The following METTL24 variants were observed in gnomAD, a reference collection of about 807,000 sequenced individuals.
METTL24 encodes probable methyltransferase-like protein 24.
Under a neutral mutation model 32.7 loss-of-function variants are expected in METTL24, and 29 were observed. That is an observed-to-expected ratio of 0.89 (90% confidence interval 0.66 to 1.21). The LOEUF (loss-of-function observed/expected upper bound fraction) is 1.21. METTL24 is among the 50% of genes most tolerant of loss of function. The pLI is 0.00. For missense variants in METTL24, 439 were observed against 468.1 expected, an observed-to-expected ratio of 0.94 and a Z score of 0.57; for synonymous variants, 163 against 179.5, an observed-to-expected ratio of 0.91 and a Z score of 0.73.
At chr6:110,352,792 C>A (rs1772633794) in intron 1 of METTL24, among the ~76,000 whole-genome samples, 1 of 152,236 alleles carries the variant, frequency 6.6e-6, no homozygotes, top group East Asian at 1.9e-4. Context: ...CTTAGAAACA[C>A]AAGGACTCCA....
intron 4 of METTL24, among the ~76,000 whole-genome samples, chr6:110,280,512 G>A (rs551407743): frequency 7.2e-5 from 11 of 151,932 alleles, no homozygotes; most frequent in Non-Finnish European, 1.3e-4. Flanking sequence ...TAGATGAAAT[G>A]TTTAATACTA....
intron 3 of METTL24, among the ~76,000 whole-genome samples, chr6:110,305,256 CAT>C (rs1771606339): frequency 6.6e-6 from 1 of 152,134 alleles, no homozygotes; most frequent in South Asian, 2.1e-4. Context: ...CCATTCAGGA[CAT>C]AGGCATGGGC....
intron 1 of METTL24, among the ~76,000 whole-genome samples, chr6:110,330,284 G>A (rs1772090601): frequency 1.3e-5 from 2 of 152,202 alleles, no homozygotes; most frequent in South Asian, 4.1e-4. Flanking sequence ...CTCTGAGGCA[G>A]TGGACCCCAG....
chr6:110,343,129 C>T (rs1772393306), intron 1 of METTL24, among the ~76,000 whole-genome samples: 1 of 152,248 alleles, frequency 6.6e-6, no homozygotes, highest in African/African-American at 2.4e-5. Flanking sequence ...CATCACCCTC[C>T]GTGTACCCAT....
intron 1 of METTL24, among the ~76,000 whole-genome samples, chr6:110,340,217 G>T (rs1318069413): frequency 6.6e-6 from 1 of 150,758 alleles, no homozygotes; most frequent in Non-Finnish European, 1.5e-5. Context: ...CCAGGCCTGG[G>T]TTGCTGAGGG....
intron 4 of METTL24, among the ~76,000 whole-genome samples, chr6:110,265,860 C>T (rs11962045): frequency 3.3e-5 from 5 of 151,040 alleles, no homozygotes; most frequent in Non-Finnish European, 7.4e-5. Context: ...CTTCCTCTTC[C>T]TCCTCCTCCT....
chr6:110,323,539 C>G (rs531962397), intron 1 of METTL24, among the ~76,000 whole-genome samples: 13 of 152,144 alleles, frequency 8.5e-5, no homozygotes, highest in Non-Finnish European at 1.6e-4. Flanking sequence ...GCTCAGCCCC[C>G]TTTTGTAGCA....
intron 4 of METTL24, among the ~76,000 whole-genome samples, chr6:110,260,185 C>T (rs1023671241): frequency 6.6e-6 from 1 of 152,110 alleles, no homozygotes; most frequent in Non-Finnish European, 1.5e-5. Flanking sequence ...GGAGGAAGTT[C>T]GAACCCACGG....
Position 110,316,859 on chromosome 6 carries a change from C to A in METTL24, c.418-1378G>T, listed in dbSNP as rs552494778. ...CCATGATTGTGCCTCTACACTCCAGCCTGGGCAACAGAGCAAGACCAGACC... is the reference window on the plus strand; with the variant it reads ...CCATGATTGTGCCTCTACACTCCAGACTGGGCAACAGAGCAAGACCAGACC... On this transcript the variant is annotated intron_variant, in intron 2 of 4. Transcript: ENST00000338882. Among the ~76,000 whole-genome samples the A allele has an allele frequency of 4.6e-5, 7 of 151,962 alleles. No homozygotes were observed. The South Asian group carries it at 1.3e-3, about 27-fold the overall frequency.
chr6:110,309,871 C>CAAAACAAAAGCAAAAAAAAAAA (rs2114742190), intron 3 of METTL24, among the ~76,000 whole-genome samples: 1 of 148,954 alleles, frequency 6.7e-6, no homozygotes, highest in African/African-American at 2.5e-5. Context: ...GCAAAAAAAA[C>CAAAACAAAAGCAAAAAAAAAAA]AAAACAAAAC....
chr6:110,282,277 G>C lies in METTL24; in HGVS notation c.786+16645C>G, dbSNP rs1771149469. ...TCCCCCATCACTAAGAAAGTGAAAG[G>C]CAATAAAATATACCAAATCATCCAT... is the stretch of plus-strand genomic sequence containing the variant. On this transcript the variant is annotated intron_variant, in intron 4 of 4. Coordinates refer to ENST00000338882, the MANE Select transcript of METTL24 (RefSeq NM_001123364.3). Among the ~76,000 whole-genome samples, 2 of 152,084 alleles carry C rather than the reference G, an allele frequency of 1.3e-5. 1 individual carries two copies. The highest frequency in any genetic ancestry group is 2.9e-5 in the Non-Finnish European group (2 of 68,002).
rs73524895 is a variant in METTL24, at chr6:110,332,647, C to T, written c.319-9775G>A. ...TTTCGGCCAGGCACGGTGGTTCAGG[C>T]CTGTAATCCTAGAGTTTTGGGAGGC... On this transcript the variant is annotated intron_variant, in intron 1 of 4. Transcript: ENST00000338882. 209 of 195,006 alleles carry T rather than the reference C, an allele frequency of 1.1e-3. 1 individual carries two copies. Among genetic ancestry groups the T allele is most frequent in the African/African-American group, 4.8e-3 (202 of 42,134 alleles). 12.1% of individuals were successfully genotyped at this position (195,006 alleles called of 1,614,324 possible). A position where few individuals can be genotyped will look rare whatever the true frequency, so the allele number is the denominator to read the frequency against.
At chr6:110,289,785 C>A (rs1385294095) in intron 4 of METTL24, among the ~76,000 whole-genome samples, 2 of 152,194 alleles carry the variant, frequency 1.3e-5, no homozygotes, top group Non-Finnish European at 2.9e-5. Context: ...CCTCAGCCAT[C>A]TAGTTCTTCT....
chr6:110,285,632 GT>G lies in METTL24; in HGVS notation c.786+13289del, dbSNP rs539492989. On this transcript the variant is annotated intron_variant, in intron 4 of 4. Coordinates refer to ENST00000338882, the MANE Select transcript of METTL24 (RefSeq NM_001123364.3). ...CCCTTCCTGTCAAAAGGCATTAGCTGTTTTTTTAACACTCATAAAGGAATTG... is the reference window on the plus strand; with the variant it reads ...CCCTTCCTGTCAAAAGGCATTAGCTGTTTTTTAACACTCATAAAGGAATTG... Among the ~76,000 whole-genome samples, 238 of 152,272 alleles carry G rather than the reference GT, an allele frequency of 1.6e-3. 2 individuals are homozygous for G. Among genetic ancestry groups the G allele is most frequent in the African/African-American group, 4.6e-3 (193 of 41,564 alleles).
chr6:110,314,662 A>C (rs1423444113), intron 3 of METTL24, among the ~76,000 whole-genome samples: 1 of 152,214 alleles, frequency 6.6e-6, no homozygotes, highest in Admixed American at 6.5e-5. Context: ...ATAACTGTAC[A>C]TAAAATTTCT....
In METTL24 at chr6:110,355,616, C is replaced by T. The variant is rs75895452; in HGVS notation, c.318+2339G>A. 2.6e-5 allele frequency among the ~76,000 whole-genome samples: 4 copies of T among 152,322 alleles called. No homozygotes were observed. The East Asian group carries it at 7.7e-4, about 29-fold the overall frequency. ...ACTTGGATGATTCTCAAATCACCAC[C>T]TTCAGCCTGGACATCTCCTCCAAGC... On this transcript the variant is annotated intron_variant, in intron 1 of 4. Coordinates refer to ENST00000338882, the MANE Select transcript of METTL24 (RefSeq NM_001123364.3).
intron 3 of METTL24, among the ~76,000 whole-genome samples, chr6:110,311,999 G>A (rs1003191769): frequency 6.6e-5 from 10 of 152,088 alleles, no homozygotes; most frequent in Non-Finnish European, 1.2e-4. Flanking sequence ...TCAACAGGTT[G>A]TCTCTTCACT....
chr6:110,253,952 C>T, intron 4 of METTL24: 1 of 1,447,436 alleles, frequency 6.9e-7, no homozygotes, highest in Non-Finnish European at 9.2e-7. Context: ...AGGAGGATGG[C>T]AAGTGGGTGA....
At chr6:110,264,416 A>T (rs1362839708) in intron 4 of METTL24, among the ~76,000 whole-genome samples, 6 of 152,174 alleles carry the variant, frequency 3.9e-5, no homozygotes, top group Admixed American at 1.3e-4. Context: ...TCAAAACCAC[A>T]ATGAGATATC....
Sources: allele counts gnomAD v4.1 joint callset (sites outside exome capture counted in the v4.1 genomes callset), GRCh38; gene constraint gnomAD v4.1.1; transcripts MANE v1.5; gene names NCBI Gene and HGNC (gene_info 2026-07-23, HGNC 2026-07-21).